The following SMOC1 variants were observed in gnomAD, a reference collection of about 807,000 sequenced individuals.
SMOC1 encodes SPARC-related modular calcium-binding protein 1.
Under a neutral mutation model 56.3 loss-of-function variants are expected in SMOC1, and 22 were observed. The ratio of observed to expected loss-of-function variants is 0.39; its 90% CI spans 0.28 to 0.56. The LOEUF (loss-of-function observed/expected upper bound fraction) is 0.56, where lower values mean the gene tolerates loss of function less well. Ranked by LOEUF, SMOC1 falls within the 20% of genes least tolerant of loss-of-function variation. The probability of loss-of-function intolerance (pLI) is 0.61; values close to 1 mark genes in which losing one functional copy is unlikely to be tolerated. For synonymous variants in SMOC1, 193 were observed against 215.0 expected (o/e 0.90, Z 0.89); for missense variants, 509 against 565.4 (o/e 0.90, Z 1.01).
intron 3 of SMOC1, among the ~76,000 whole-genome samples, chr14:69,963,569 G>A (rs1256621969): frequency 4.1e-5 from 6 of 146,670 alleles, no homozygotes; most frequent in Non-Finnish European, 6.0e-5. Context: ...GGTCCCTCCC[G>A]CCCCTCCCCC....
In SMOC1 at chr14:69,952,424, C is replaced by G. The variant is rs991613973; in HGVS notation, c.265+121C>G. 2.2e-5 allele frequency: 26 copies of G among 1,170,890 alleles called. No homozygotes were observed. In the African/African-American group the frequency reaches 3.5e-4, roughly 16 times the overall value. 72.5% of individuals were successfully genotyped at this position (1,170,890 alleles called of 1,614,324 possible). ...GTCCACTCACTTTGCTTTCCTATCT[C>G]TCCACCCCTTCCACCAGGGCCAAGG... is the stretch of plus-strand genomic sequence containing the variant. On this transcript the variant is annotated intron_variant, in intron 2 of 11. Transcript: ENST00000361956.
At chr14:70,005,020 G>T (rs1311641915) in intron 7 of SMOC1, among the ~76,000 whole-genome samples, 1 of 152,200 alleles carries the variant, frequency 6.6e-6, no homozygotes, top group East Asian at 1.9e-4. Context: ...AGGTGCTTTG[G>T]TGTTGGGTTA....
chr14:70,019,409 G>T (rs182319683), intron 10 of SMOC1, among the ~76,000 whole-genome samples: 1 of 152,358 alleles, frequency 6.6e-6, no homozygotes, highest in East Asian at 1.9e-4. Context: ...CCTTTTAGTA[G>T]AAGTAGTACT....
chr14:70,003,128 G>A (rs1343549141), intron 7 of SMOC1, among the ~76,000 whole-genome samples: 4 of 152,140 alleles, frequency 2.6e-5, no homozygotes, highest in Non-Finnish European at 2.9e-5. Context: ...TAGAAAGGTT[G>A]TTTTCAACAC....
chr14:69,923,502 C>A (rs1884907700), intron 1 of SMOC1, among the ~76,000 whole-genome samples: 1 of 152,156 alleles, frequency 6.6e-6, no homozygotes, highest in Non-Finnish European at 1.5e-5. Flanking sequence ...TCTTCTCAAT[C>A]TCCTCTACTG....
intron 1 of SMOC1, among the ~76,000 whole-genome samples, chr14:69,911,173 C>T (rs1437811373): frequency 2.0e-5 from 3 of 152,022 alleles, no homozygotes; most frequent in African/African-American, 4.8e-5. Flanking sequence ...AAAATGTGTC[C>T]AGGATTTGGA....
intron 1 of SMOC1, among the ~76,000 whole-genome samples, chr14:69,890,652 G>A (rs1566662340): frequency 6.6e-6 from 1 of 152,156 alleles, no homozygotes; most frequent in African/African-American, 2.4e-5. Context: ...TTCACGTTGG[G>A]CTAACTTTTA....
chr14:69,912,478 C>T (rs1006407958), intron 1 of SMOC1, among the ~76,000 whole-genome samples: 1 of 152,236 alleles, frequency 6.6e-6, no homozygotes, highest in African/African-American at 2.4e-5. Flanking sequence ...TCTCTAACTA[C>T]TGGCCTCATG....
chr14:70,009,886 A>C (rs1220142815), intron 7 of SMOC1, among the ~76,000 whole-genome samples: 2 of 152,234 alleles, frequency 1.3e-5, no homozygotes, highest in Non-Finnish European at 2.9e-5. Context: ...ACAAAAACAA[A>C]ACCAGAAAAA....
intron 1 of SMOC1, among the ~76,000 whole-genome samples, chr14:69,934,712 C>T (rs996788644): frequency 2.4e-4 from 37 of 152,148 alleles, no homozygotes; most frequent in African/African-American, 8.2e-4. Context: ...TATGCAAAAA[C>T]ATCATTTGCT....
chr14:70,018,560 G>T (rs1482861934), intron 10 of SMOC1, among the ~76,000 whole-genome samples: 1 of 152,140 alleles, frequency 6.6e-6, no homozygotes, highest in Non-Finnish European at 1.5e-5. Flanking sequence ...CTCTGGCCAG[G>T]GCTCCAGGAG....
At chr14:69,931,214 C>T (rs995946910) in intron 1 of SMOC1, among the ~76,000 whole-genome samples, 6 of 152,242 alleles carry the variant, frequency 3.9e-5, no homozygotes, top group African/African-American at 7.2e-5. Flanking sequence ...CTCCTGCGCA[C>T]GCATGGCCGT....
chr14:70,023,218 C>A lies in SMOC1; in HGVS notation c.1062C>A (p.Asp354Glu). The A allele has an allele frequency of 6.2e-7, 1 of 1,614,100 alleles. No homozygotes were observed. The highest frequency in any genetic ancestry group is 8.5e-7 in the Non-Finnish European group (1 of 1,180,008). The change falls in exon 11 of 12, where the codon GAC becomes GAA. Residue 354 changes from aspartate to glutamate, a missense_variant. Coordinates refer to ENST00000361956, the MANE Select transcript of SMOC1 (RefSeq NM_001034852.3). ...CATGGCCCAGGTTCTCAGAGCCAGA[C>A]CCCAGCCACACCCTGGAGGAGCGGG... Reference protein sequence around the residue: ...PTGGGRFSEPDPSHTLEERVV... With the variant: ...PTGGGRFSEPEPSHTLEERVV...
chr14:69,983,673 G>T (rs1884261694), intron 5 of SMOC1, among the ~76,000 whole-genome samples: 1 of 152,220 alleles, frequency 6.6e-6, no homozygotes, highest in African/African-American at 2.4e-5. Context: ...TGAGCCCTCT[G>T]ACTAGTGCCT....
intron 1 of SMOC1, among the ~76,000 whole-genome samples, chr14:69,921,089 C>T (rs752363575): frequency 1.2e-4 from 19 of 152,320 alleles, no homozygotes; most frequent in Admixed American, 4.6e-4. Flanking sequence ...CTTCTCAGAG[C>T]ACCTGGGCCG....
intron 7 of SMOC1, among the ~76,000 whole-genome samples, chr14:69,996,331 A>G (rs1460233804): frequency 6.6e-6 from 1 of 152,130 alleles, no homozygotes; most frequent in Non-Finnish European, 1.5e-5. Flanking sequence ...TGAGATAGCT[A>G]TTGTTCTTGT....
At chr14:69,910,196 G>C (rs1325082864) in intron 1 of SMOC1, among the ~76,000 whole-genome samples, 2 of 152,212 alleles carry the variant, frequency 1.3e-5, no homozygotes, top group African/African-American at 4.8e-5. Flanking sequence ...TCTGTCAACT[G>C]GTTCTGCAAA....
At position 70,023,248 on chromosome 14, in the gene SMOC1, G is replaced by A; in HGVS notation, c.1092G>A (p.Val364=). ...DPSHTLEERV[V]HWYFSQLDSN... ...GCCACACCCTGGAGGAGCGGGTAGTGCACTGGTATTTCAGCCAGCTGGACA... is the reference window on the plus strand; with the variant it reads ...GCCACACCCTGGAGGAGCGGGTAGTACACTGGTATTTCAGCCAGCTGGACA... Residue 364 remains valine, a synonymous_variant, in exon 11 of 12, where the codon GTG becomes GTA. Coordinates refer to ENST00000361956, the MANE Select transcript of SMOC1 (RefSeq NM_001034852.3). The A allele has an allele frequency of 6.2e-7, 1 of 1,614,154 alleles. No individual in the cohort carries two copies. The highest frequency in any genetic ancestry group is 8.5e-7 in the Non-Finnish European group (1 of 1,180,022).
At chr14:70,021,290 G>T (rs1681923906) in intron 10 of SMOC1, among the ~76,000 whole-genome samples, 1 of 152,188 alleles carries the variant, frequency 6.6e-6, no homozygotes, top group Non-Finnish European at 1.5e-5. Context: ...TGCACCAATA[G>T]AATTCCAACA....
Sources: allele counts gnomAD v4.1 joint callset (sites outside exome capture counted in the v4.1 genomes callset), GRCh38; gene constraint gnomAD v4.1.1; transcripts MANE v1.5; gene names NCBI Gene and HGNC (gene_info 2026-07-23, HGNC 2026-07-21).